ADRA1B: variants seen among roughly 807,000 people sequenced by gnomAD.
ADRA1B encodes the protein alpha-1B adrenergic receptor.
ADRA1B carries 17 observed loss-of-function variants against 17.9 expected under a neutral mutation model. That is an observed-to-expected ratio of 0.95 (90% CI 0.65 to 1.42). The LOEUF (loss-of-function observed/expected upper bound fraction) is 1.42, where lower values mean the gene tolerates loss of function less well. ADRA1B is among the 40% of genes most tolerant of loss of function. The pLI is 0.00. For missense variants in ADRA1B, 681 were observed against 722.1 expected, an observed-to-expected ratio of 0.94 and a Z score of 0.65; for synonymous variants, 366 against 327.6, an observed-to-expected ratio of 1.12 and a Z score of -1.27.
chr5:159,963,680 G>A (rs1288729384), intron 1 of ADRA1B, among the ~76,000 whole-genome samples: 1 of 152,222 alleles, frequency 6.6e-6, no homozygotes, highest in East Asian at 1.9e-4. Context: ...TTAAATGGTA[G>A]CTGCTATTCT....
intron 1 of ADRA1B, among the ~76,000 whole-genome samples, chr5:159,939,546 C>T (rs1561600932): frequency 6.6e-6 from 1 of 152,118 alleles, no homozygotes; most frequent in Non-Finnish European, 1.5e-5. Flanking sequence ...GGGCTTTGTG[C>T]TCAAACAGAT....
chr5:159,933,612 G>C (rs1020172112), intron 1 of ADRA1B, among the ~76,000 whole-genome samples: 3 of 152,196 alleles, frequency 2.0e-5, no homozygotes, highest in African/African-American at 7.2e-5. Flanking sequence ...CTAGCTAGCT[G>C]CCCTGTTGGG....
chr5:159,966,322 A>G (rs1311806416), intron 1 of ADRA1B, among the ~76,000 whole-genome samples: 11 of 152,214 alleles, frequency 7.2e-5, no homozygotes, highest in Admixed American at 7.2e-4. Context: ...GAGTGCTCAT[A>G]AGGACTCTAC....
At chr5:159,876,003 A>G (rs1168178075) in intron 1 of ADRA1B, among the ~76,000 whole-genome samples, 1 of 152,198 alleles carries the variant, frequency 6.6e-6, no homozygotes, top group Non-Finnish European at 1.5e-5. Context: ...AGCCTGGCCA[A>G]CATGGTAAAA....
At chr5:159,926,394 G>A (rs140329962) in intron 1 of ADRA1B, among the ~76,000 whole-genome samples, 1 of 152,096 alleles carries the variant, frequency 6.6e-6, no homozygotes, top group African/African-American at 2.4e-5. Context: ...AACTTTTGCA[G>A]CACTGCCAGG....
At chr5:159,910,982 C>A (rs2113134182) in intron 1 of ADRA1B, among the ~76,000 whole-genome samples, 1 of 152,134 alleles carries the variant, frequency 6.6e-6, no homozygotes, top group Non-Finnish European at 1.5e-5. Context: ...GGAAATAGAT[C>A]CTGGCAGTAG....
the ADRA1B span, among the ~76,000 whole-genome samples, chr5:159,989,049 C>T: frequency 2.6e-5 from 4 of 152,346 alleles, no homozygotes; most frequent in African/African-American, 9.6e-5. Context: ...TTTTGAGGAA[C>T]TCCAATACTG....
intron 1 of ADRA1B, among the ~76,000 whole-genome samples, chr5:159,901,615 G>C (rs1342923757): frequency 6.6e-6 from 1 of 152,260 alleles, no homozygotes; most frequent in Middle Eastern, 3.4e-3. Context: ...GGGGCTTCTT[G>C]TTCATCTCAG....
intron 1 of ADRA1B, chr5:159,888,495 A>G (rs1196078466): frequency 1.3e-5 from 2 of 152,186 alleles, no homozygotes; most frequent in Non-Finnish European, 2.9e-5. Context: ...TTACCAAATT[A>G]CCATGTATAT....
chr5:159,957,929 C>CAAAAAAAAAAAAAAAAAAAAAAACA, intron 1 of ADRA1B, among the ~76,000 whole-genome samples: 1 of 66,850 alleles, frequency 1.5e-5, no homozygotes, highest in Non-Finnish European at 2.7e-5. Context: ...AACCCCATCT[C>CAAAAAAAAAAAAAAAAAAAAAAACA]AAAAAAAAAA....
intron 1 of ADRA1B, among the ~76,000 whole-genome samples, chr5:159,962,930 C>CTTTTTTTTTTTTTTTTTTTTT (rs1287451612): frequency 1.7e-5 from 1 of 57,408 alleles, no homozygotes; most frequent in African/African-American, 7.4e-5. Flanking sequence ...TTTTTCTTTT[C>CTTTTTTTTTTTTTTTTTTTTT]TTTTCTTTTT....
At chr5:159,931,606 A>C (rs1181576495) in intron 1 of ADRA1B, among the ~76,000 whole-genome samples, 1 of 152,130 alleles carries the variant, frequency 6.6e-6, no homozygotes, top group Non-Finnish European at 1.5e-5. Flanking sequence ...TAATCATATC[A>C]CCTGCCTCAG....
intron 1 of ADRA1B, chr5:159,948,556 AAGAT>A: frequency 1.2e-6 from 1 of 862,416 alleles, no homozygotes; most frequent in Non-Finnish European, 1.4e-6. Context: ...AAAACAAAAA[AAGAT>A]AGTAAAAAGC....
chr5:159,867,296 C>T (rs1753669948), intron 1 of ADRA1B, among the ~76,000 whole-genome samples: 1 of 152,126 alleles, frequency 6.6e-6, no homozygotes, highest in Non-Finnish European at 1.5e-5. Context: ...CTCACTAATT[C>T]CATTCTACCC....
At chr5:159,921,281 T>C (rs144785919) in intron 1 of ADRA1B, among the ~76,000 whole-genome samples, 1 of 152,280 alleles carries the variant, frequency 6.6e-6, no homozygotes, top group Non-Finnish European at 1.5e-5. Flanking sequence ...GGAGCAGGAA[T>C]GGACTCCACC....
intron 1 of ADRA1B, among the ~76,000 whole-genome samples, chr5:159,948,747 C>A (rs1004913771): frequency 6.6e-6 from 1 of 152,098 alleles, no homozygotes; most frequent in African/African-American, 2.4e-5. Context: ...TGTCATTAAG[C>A]CAGTCACTTA....
At chr5:159,938,053 A>G (rs946419749) in intron 1 of ADRA1B, among the ~76,000 whole-genome samples, 1 of 152,184 alleles carries the variant, frequency 6.6e-6, no homozygotes, top group Non-Finnish European at 1.5e-5. Flanking sequence ...TTCTCTTCTT[A>G]TTATCAGTGA....
intron 1 of ADRA1B, among the ~76,000 whole-genome samples, chr5:159,893,349 G>A (rs1754007764): frequency 4.6e-5 from 1 of 21,670 alleles, no homozygotes; most frequent in African/African-American, 6.5e-4. Context: ...ACAATTAAAT[G>A]AGATAATGAG....
intron 1 of ADRA1B, among the ~76,000 whole-genome samples, chr5:159,899,453 A>G (rs996469002): frequency 1.1e-4 from 17 of 152,184 alleles, no homozygotes; most frequent in African/African-American, 4.1e-4. Context: ...AAATTGATTG[A>G]CAGCCATGTG....
Sources: gnomAD v4.1 joint callset for allele counts (sites outside exome capture counted in the v4.1 genomes callset) on GRCh38, gnomAD v4.1.1 for gene constraint, MANE v1.5 for transcripts, NCBI Gene and HGNC (gene_info 2026-07-23, HGNC 2026-07-21) for gene names.